The following CNTD1 variants were observed in gnomAD, a reference collection of about 807,000 sequenced individuals.
CNTD1 encodes cyclin N-terminal domain containing 1.
A neutral mutation model predicts 36.3 loss-of-function variants in CNTD1; 17 were observed. The observed-to-expected ratio is 0.47, with a 90% CI of 0.32 to 0.70. CNTD1 has a LOEUF of 0.70. Among genes scored for constraint, CNTD1 ranks in the 30% least tolerant of loss-of-function variants. The pLI is 0.03. For missense variants in CNTD1, 338 were observed against 386.1 expected (o/e 0.88, Z 1.04); for synonymous variants, 128 against 153.3 (o/e 0.83, Z 1.22).
chr17:42,800,057 C>A (rs1205967987), intron 1 of CNTD1, among the ~76,000 whole-genome samples: 1 of 122,698 alleles, frequency 8.2e-6, no homozygotes, highest in Admixed American at 1.0e-4. Context: ...GGTGACAGAG[C>A]GAGACTCTGT....
rs1360858186 is a variant in CNTD1, at chr17:42,809,267, C to T, written c.823-98C>T. On this transcript the variant is annotated intron_variant, in intron 6 of 6. Transcript: ENST00000588408. ...TCTGGATTTCAGAAAAATGAATTTA[C>T]AATTGCCTTGAGAGAACATCCCAAG... The T allele has an allele frequency of 2.5e-5, 29 of 1,160,276 alleles. No homozygotes were observed. In the Admixed American group the frequency reaches 6.4e-4, roughly 26 times the overall value. The allele number at this position is 1,160,276 out of a possible 1,614,324, so 71.9% of individuals were successfully genotyped here.
At position 42,800,450 on chromosome 17, in the gene CNTD1, G is replaced by A. The variant is rs546449452; in HGVS notation, c.169+1214G>A. On this transcript the variant is annotated intron_variant, in intron 1 of 6. Transcript: ENST00000588408. ...GTGTAGTCCATGTTGGCCAGTGCAT[G>A]TGGAAGAATAGTTGAAATTAATACT... is the stretch of plus-strand genomic sequence containing the variant. 4.6e-5 allele frequency among the ~76,000 whole-genome samples: 7 copies of A among 152,318 alleles called. No individual in the cohort carries two copies. The South Asian group carries it at 1.4e-3, about 32-fold the overall frequency.
rs751808274 is a variant in CNTD1, at chr17:42,804,396, A to G, written c.417A>G (p.Lys139=). Residue 139 remains lysine, a splice_region_variant and synonymous_variant, in exon 3 of 7, where the codon AAA becomes AAG. Transcript: ENST00000588408. ...QLASKLSFRN[K]IISNITVLNF... ...CCAGCAAACTTTCCTTCCGAAACAAAGTAAGGAGCTGGGGTTGCTCATGGG... is the reference window on the plus strand; with the variant it reads ...CCAGCAAACTTTCCTTCCGAAACAAGGTAAGGAGCTGGGGTTGCTCATGGG... 1.2e-6 allele frequency: 2 copies of G among 1,613,508 alleles called. No homozygotes were observed. Among genetic ancestry groups the G allele is most frequent in the Middle Eastern group, 1.7e-4 (1 of 6,056 alleles).
Position 42,805,887 on chromosome 17 carries a change from A to G in CNTD1, c.580+3A>G, listed in dbSNP as rs762307200. The G allele has an allele frequency of 6.2e-7, 1 of 1,608,244 alleles. No homozygotes were observed. Among genetic ancestry groups the G allele is most frequent in the African/African-American group, 1.3e-5 (1 of 74,624 alleles). ...GGAGACGCTCCTAGAGGTTTTAGGT[A>G]TCTTACTGTGTTAGGGAATATGGGT... On this transcript the variant is annotated splice_donor_region_variant and intron_variant, in intron 4 of 6. Transcript: ENST00000588408.
At chr17:42,808,075 T>G (rs555160333) in intron 6 of CNTD1, among the ~76,000 whole-genome samples, 7 of 152,322 alleles carry the variant, frequency 4.6e-5, no homozygotes, top group Admixed American at 2.0e-4. Flanking sequence ...AGGCCCAAGT[T>G]CGGCTTGTTC....
intron 1 of CNTD1, among the ~76,000 whole-genome samples, chr17:42,801,552 ATGTGTGTG>A (rs144472008): frequency 8.2e-4 from 66 of 80,110 alleles, no homozygotes; most frequent in East Asian, 1.7e-3. Flanking sequence ...TATATAATAT[ATGTGTGTG>A]TGTGTGTGTG....
intron 1 of CNTD1, among the ~76,000 whole-genome samples, chr17:42,802,869 C>T (rs1294529166): frequency 6.6e-6 from 1 of 152,192 alleles, no homozygotes; most frequent in Non-Finnish European, 1.5e-5. Context: ...ATAATTCTAT[C>T]TGGAGCTGTT....
chr17:42,806,704 G>A lies in CNTD1; in HGVS notation c.611G>A (p.Arg204Lys), dbSNP rs759139751. The change falls in exon 5 of 7, where the codon AGG (arginine) becomes AAG (lysine). Residue 204 changes from arginine (R) to lysine (K), a missense_variant. Physicochemically the swap from Arg to Lys is conservative, Grantham distance 26. Coordinates refer to ENST00000588408, the MANE Select transcript of CNTD1 (RefSeq NM_173478.3). ...AATGGCTGTTTGGTTCCAGCCATGAGGCTGCATGCAACCTGCCTGACACTG... is the reference window on the plus strand; with the variant it reads ...AATGGCTGTTTGGTTCCAGCCATGAAGCTGCATGCAACCTGCCTGACACTG... Reference protein sequence around the residue: ...GYNGCLVPAMRLHATCLTLLD... With the variant: ...GYNGCLVPAMKLHATCLTLLD... The A allele has an allele frequency of 6.2e-7, 1 of 1,614,122 alleles. No individual in the cohort carries two copies. The highest frequency in any genetic ancestry group is 1.1e-5 in the South Asian group (1 of 91,086).
In CNTD1 at chr17:42,806,669, T is replaced by C. The variant is rs367973077; in HGVS notation, c.581-5T>C. 6.2e-7 allele frequency: 1 copy of C among 1,613,582 alleles called. No homozygotes were observed. Among genetic ancestry groups the C allele is most frequent in the South Asian group, 1.1e-5 (1 of 91,058 alleles). ...TTCTCCCTATCATTCCCATACTCCA[T>C]CTAGGATACAATGGCTGTTTGGTTC... On this transcript the variant is annotated splice_region_variant and splice_polypyrimidine_tract_variant and intron_variant, in intron 4 of 6. Coordinates refer to ENST00000588408, the MANE Select transcript of CNTD1 (RefSeq NM_173478.3).
intron 1 of CNTD1, among the ~76,000 whole-genome samples, chr17:42,802,903 G>A (rs2054819798): frequency 1.3e-5 from 2 of 152,146 alleles, no homozygotes; most frequent in African/African-American, 4.8e-5. Flanking sequence ...ACAGAGGCAG[G>A]CTAAAATCTT....
At chr17:42,804,046 C>A (rs2054837044) in intron 2 of CNTD1, among the ~76,000 whole-genome samples, 179 bp from the exon 3 acceptor site, 1 of 151,892 alleles carries the variant, frequency 6.6e-6, no homozygotes, top group Non-Finnish European at 1.5e-5. Flanking sequence ...GCCATGTTGC[C>A]CAGGGTGGTC....
chr17:42,806,725 C>A lies in CNTD1; in HGVS notation c.632C>A (p.Thr211Lys), dbSNP rs1349763295. Residue 211 changes from threonine to lysine, a missense_variant, in exon 5 of 7, where the codon ACA (threonine) becomes AAA (lysine). Coordinates refer to ENST00000588408, the MANE Select transcript of CNTD1 (RefSeq NM_173478.3). ...ATGAGGCTGCATGCAACCTGCCTGA[C>A]ACTGCTCGACCTGGTCTATCTTCTG... is the stretch of plus-strand genomic sequence containing the variant. ...PAMRLHATCL[T>K]LLDLVYLLHE... 3 of 1,614,118 alleles carry A rather than the reference C, an allele frequency of 1.9e-6. No individual in the cohort carries two copies. The highest frequency in any genetic ancestry group is 2.5e-6 in the Non-Finnish European group (3 of 1,179,978).
Position 42,810,990 on chromosome 17 carries a change from A to G in CNTD1, c.*1455A>G. Reference sequence around the variant, plus strand: ...GATCTGAGTTAAGTAAGTTCGGGGCAGGGACTTGATCATGGGACCATTCAC... The same window carrying G: ...GATCTGAGTTAAGTAAGTTCGGGGCGGGGACTTGATCATGGGACCATTCAC... On this transcript the variant is annotated 3_prime_UTR_variant, in exon 7 of 7. Coordinates refer to ENST00000588408, the MANE Select transcript of CNTD1 (RefSeq NM_173478.3). 2.7e-6 allele frequency: 4 copies of G among 1,474,704 alleles called. No homozygotes were observed. The highest frequency in any genetic ancestry group is 3.6e-6 in the Non-Finnish European group (4 of 1,098,438). 91.4% of individuals were successfully genotyped at this position (1,474,704 alleles called of 1,614,324 possible). A position where few individuals can be genotyped will look rare whatever the true frequency, so the allele number is the denominator to read the frequency against.
chr17:42,799,095 G>T lies in CNTD1; in HGVS notation c.28G>T (p.Ala10Ser), dbSNP rs2054726169. ...GGACGGACCCATGAGGCCACGATCG[G>T]CCTCCCTCGTTGACTTTCAGTTTGG... is the stretch of plus-strand genomic sequence containing the variant. MDGPMRPRS[A>S]SLVDFQFGVV... Residue 10 changes from alanine (A) to serine (S), a missense_variant, in exon 1 of 7, where the codon GCC becomes TCC. Ala to Ser is a moderately conservative substitution (Grantham distance 99). Coordinates refer to ENST00000588408, the MANE Select transcript of CNTD1 (RefSeq NM_173478.3). The T allele has an allele frequency of 3.1e-6, 5 of 1,614,062 alleles. No homozygotes were observed. The East Asian group carries it at 1.1e-4, about 36-fold the overall frequency.
chr17:42,799,288 C>T (rs12949210), intron 1 of CNTD1, 52 bp downstream of exon 1: 2 of 1,544,900 alleles, frequency 1.3e-6, no homozygotes, highest in Non-Finnish European at 1.7e-6. Context: ...GGGCTTGTGT[C>T]TTTCAGGCAC....
chr17:42,801,511 ATATATAT>A (rs1418991848), intron 1 of CNTD1, among the ~76,000 whole-genome samples: 3,710 of 60,304 alleles, frequency 0.062, 289 homozygotes, highest in Middle Eastern at 0.11. Flanking sequence ...AAAAAAAAAA[ATATATAT>A]ATATATATAT....
At chr17:42,805,460 A>G (rs866027092) in intron 3 of CNTD1, 1 of 275,246 alleles carries the variant, frequency 3.6e-6, no homozygotes, top group Middle Eastern at 1.2e-3. Flanking sequence ...GGATCCTAAG[A>G]GAAGAGGGAG....
At chr17:42,801,194 A>G (rs931307408) in intron 1 of CNTD1, among the ~76,000 whole-genome samples, 1 of 148,788 alleles carries the variant, frequency 6.7e-6, no homozygotes, top group East Asian at 2.0e-4. Context: ...CCCAAAAAAA[A>G]AAAAAACAAC....
In CNTD1 at chr17:42,807,752, G is replaced by A. The variant is rs76505811; in HGVS notation, c.726-16G>A. Reference sequence around the variant, plus strand: ...TCCATTCTAGCTTTAAAATTAATGTGGTTTTAATCACTCAGGGAAAAGTTT... The same window carrying A: ...TCCATTCTAGCTTTAAAATTAATGTAGTTTTAATCACTCAGGGAAAAGTTT... On this transcript the variant is annotated splice_polypyrimidine_tract_variant and intron_variant, in intron 5 of 6. Coordinates refer to ENST00000588408, the MANE Select transcript of CNTD1 (RefSeq NM_173478.3). 2,788 of 1,568,442 alleles carry A rather than the reference G, an allele frequency of 1.8e-3. 46 individuals carry two copies. In the African/African-American group the frequency reaches 0.031, roughly 17 times the overall value.
Sources: gnomAD v4.1 joint callset for allele counts (sites outside exome capture counted in the v4.1 genomes callset) on GRCh38, gnomAD v4.1.1 for gene constraint, MANE v1.5 for transcripts, NCBI Gene and HGNC (gene_info 2026-07-23, HGNC 2026-07-21) for gene names.